Variants in NAA38 observed in about 807,000 individuals in gnomAD.
NAA38 encodes N-alpha-acetyltransferase 38, NatC auxiliary subunit.
Under a neutral mutation model 12.6 loss-of-function variants are expected in NAA38, and 15 were observed. That is an observed-to-expected ratio of 1.19 (90% CI 0.79 to 1.83). The LOEUF is 1.83. Among genes scored for constraint, NAA38 ranks in the 40% most tolerant of loss-of-function variants. NAA38 has a pLI of 0.00. For synonymous variants in NAA38, 88 were observed against 69.9 expected (o/e 1.26, Z -1.29); for missense variants, 183 against 171.7 (o/e 1.07, Z -0.37).
chr17:7,858,949 G>A (rs2078860315), upstream of NAA38: 1 of 890,180 alleles, frequency 1.1e-6, no homozygotes, highest in Middle Eastern at 2.9e-4. Flanking sequence ...TTTACATTGA[G>A]GCAACTGAGG....
chr17:7,876,258 GC>G (rs973909257), intron 2 of NAA38, among the ~76,000 whole-genome samples: 3 of 151,956 alleles, frequency 2.0e-5, no homozygotes, highest in African/African-American at 7.3e-5. Flanking sequence ...CAATGATCAT[GC>G]CTTCCTTCTG....
chr17:7,882,125 C>G (rs1302249031), intron 2 of NAA38, among the ~76,000 whole-genome samples: 1 of 152,104 alleles, frequency 6.6e-6, no homozygotes, highest in Non-Finnish European at 1.5e-5. Flanking sequence ...AAAGCACACT[C>G]AAGAGAGAGA....
At chr17:7,874,225 T>C (rs73233637) in intron 2 of NAA38, among the ~76,000 whole-genome samples, 13,787 of 151,554 alleles carry the variant, frequency 0.091, 1,409 homozygotes, top group African/African-American at 0.25. Flanking sequence ...AAGAACAGAG[T>C]AGAAGTAAAT....
upstream of NAA38, chr17:7,858,146 G>A (rs759210268): frequency 6.2e-7 from 1 of 1,613,398 alleles, no homozygotes; most frequent in Non-Finnish European, 8.5e-7. Context: ...TGCCGCGCCG[G>A]GGCCTGGTGG....
chr17:7,875,215 CA>C (rs1306259033), intron 2 of NAA38, among the ~76,000 whole-genome samples: 1 of 151,884 alleles, frequency 6.6e-6, no homozygotes, highest in Non-Finnish European at 1.5e-5. Context: ...CAAAACAAAA[CA>C]AAAAACCCTC....
chr17:7,881,174 G>C (rs1967265271), intron 2 of NAA38, among the ~76,000 whole-genome samples: 1 of 152,198 alleles, frequency 6.6e-6, no homozygotes, highest in Admixed American at 6.5e-5. Context: ...TCCGGGACTA[G>C]GGGAGAAGGA....
chr17:7,877,564 C>G (rs1243689588), intron 2 of NAA38, among the ~76,000 whole-genome samples: 1 of 152,070 alleles, frequency 6.6e-6, no homozygotes, highest in Non-Finnish European at 1.5e-5. Flanking sequence ...TTAGCTATTC[C>G]TTACTGTTGG....
chr17:7,868,374 T>A (rs897468368), intron 2 of NAA38, among the ~76,000 whole-genome samples: 5 of 152,162 alleles, frequency 3.3e-5, no homozygotes, highest in Non-Finnish European at 7.4e-5. Flanking sequence ...GGTGGCTTTG[T>A]TAGAGAAGCC....
At chr17:7,875,217 A>C (rs1399313545) in intron 2 of NAA38, among the ~76,000 whole-genome samples, 1 of 152,142 alleles carries the variant, frequency 6.6e-6, no homozygotes, top group East Asian at 1.9e-4. Flanking sequence ...AAACAAAACA[A>C]AAAACCCTCC....
At chr17:7,870,055 G>C (rs1967059522) in intron 2 of NAA38, among the ~76,000 whole-genome samples, 1 of 152,166 alleles carries the variant, frequency 6.6e-6, no homozygotes, top group African/African-American at 2.4e-5. Flanking sequence ...TTTGGTTTTT[G>C]CCATTTTGTA....
chr17:7,883,088 C>G (rs944902463), intron 2 of NAA38: 3 of 152,268 alleles, frequency 2.0e-5, no homozygotes, highest in African/African-American at 7.2e-5. Context: ...GTCTAGACCT[C>G]TCTGGGCAAA....
At chr17:7,859,744 G>A (rs2078869190), upstream of NAA38, 6 of 758,940 alleles carry the variant, frequency 7.9e-6, no homozygotes, top group South Asian at 1.0e-4. Context: ...GCTAGCCTGT[G>A]CCCTTCTGAA....
intron 1 of NAA38, chr17:7,885,049 ACCGCTGCCCCCGCCG>A (rs1967552338): frequency 2.9e-6 from 3 of 1,019,404 alleles, no homozygotes; most frequent in South Asian, 4.6e-5. Flanking sequence ...CGCCGCCGCC[ACCGCTGCCCCCGCCG>A]CCGCCGCCCC....
At position 7,857,156 on chromosome 17, in the gene NAA38, G is replaced by A; in HGVS notation, c.124C>T (p.Arg42Ter). 6.2e-7 allele frequency: 1 copy of A among 1,613,006 alleles called. No homozygotes were observed. The highest frequency in any genetic ancestry group is 1.1e-5 in the South Asian group (1 of 91,086). ...EREDSAAERARQQLEALLNKT... is the reference protein window; with the variant it reads ...EREDSAAERA ...TTGAGCAGCGCCTCTAGCTGCTGTC[G>A]GGCGCGCTCAGCCGCCGAGTCCTCG... Residue 42 changes from arginine to a stop codon, truncating the protein, a stop_gained, in exon 2 of 3, where the codon CGA becomes TGA. Transcript: ENST00000575771. LOFTEE classifies it high-confidence loss of function.
chr17:7,874,271 T>G (rs992626835), intron 2 of NAA38, among the ~76,000 whole-genome samples: 1 of 151,808 alleles, frequency 6.6e-6, no homozygotes, highest in Non-Finnish European at 1.5e-5. Context: ...GTGGCCCAAG[T>G]TGGGGGTTTG....
chr17:7,883,849 TTTC>T (rs1439712671), intron 1 of NAA38, among the ~76,000 whole-genome samples: 1 of 152,022 alleles, frequency 6.6e-6, no homozygotes, highest in Non-Finnish European at 1.5e-5. Flanking sequence ...AAAAAAAGCT[TTTC>T]TTTAGAGAAG....
At chr17:7,880,147 C>T (rs1327847894) in intron 2 of NAA38, among the ~76,000 whole-genome samples, 1 of 152,044 alleles carries the variant, frequency 6.6e-6, no homozygotes, top group Non-Finnish European at 1.5e-5. Flanking sequence ...TTACTGCAGG[C>T]AGACAGGGAG....
At chr17:7,859,078 C>A, upstream of NAA38, 1 of 568,258 alleles carries the variant, frequency 1.8e-6, no homozygotes, top group South Asian at 2.3e-5. Context: ...TGATGGTGGT[C>A]CTTCGAAGCT....
chr17:7,857,519 T>C lies in NAA38; in HGVS notation c.-56A>G, dbSNP rs2078836931. ...CTTCCTAAGCACCTTTCAGGTTGGGTGGTCCGAGATCTCGCGAGCGCTCCC... is the reference window on the plus strand; with the variant it reads ...CTTCCTAAGCACCTTTCAGGTTGGGCGGTCCGAGATCTCGCGAGCGCTCCC... On this transcript the variant is annotated 5_prime_UTR_variant, in exon 1 of 3. Coordinates refer to ENST00000575771, the MANE Select transcript of NAA38 (RefSeq NM_001320925.4). The C allele has an allele frequency of 6.8e-7, 1 of 1,476,518 alleles. No homozygotes were observed. The highest frequency in any genetic ancestry group is 9.0e-7 in the Non-Finnish European group (1 of 1,116,252). The allele number at this position is 1,476,518 out of a possible 1,614,324, so 91.5% of individuals were successfully genotyped here. A position where few individuals can be genotyped will look rare whatever the true frequency, so the allele number is the denominator to read the frequency against.
Sources: gnomAD v4.1 joint callset for allele counts (sites outside exome capture counted in the v4.1 genomes callset) on GRCh38, gnomAD v4.1.1 for gene constraint, MANE v1.5 for transcripts, NCBI Gene and HGNC (gene_info 2026-07-23, HGNC 2026-07-21) for gene names.